The following CNTNAP5 variants were observed in gnomAD, a reference collection of about 807,000 sequenced individuals.
CNTNAP5 encodes contactin associated protein family member 5, also known as contactin-associated protein-like 5.
A neutral mutation model predicts 150.2 loss-of-function variants in CNTNAP5; 72 were observed. The ratio of observed to expected loss-of-function variants is 0.48; its 90% CI spans 0.40 to 0.58. CNTNAP5 has a LOEUF of 0.58. Ranked by LOEUF, CNTNAP5 falls within the 20% of genes least tolerant of loss-of-function variation. The pLI is 0.00. For synonymous variants in CNTNAP5, 672 were observed against 619.8 expected, an observed-to-expected ratio of 1.08 and a Z score of -1.25; for missense variants, 1,636 against 1,626.2, an observed-to-expected ratio of 1.01 and a Z score of -0.10.
chr2:124,885,257 C>T (rs1326939459), intron 21 of CNTNAP5, among the ~76,000 whole-genome samples: 1 of 151,916 alleles, frequency 6.6e-6, no homozygotes, highest in Non-Finnish European at 1.5e-5. Context: ...ATGAGACCCA[C>T]ACAGATTATC....
chr2:124,263,646 A>G (rs1687523941), intron 3 of CNTNAP5, among the ~76,000 whole-genome samples: 1 of 152,074 alleles, frequency 6.6e-6, no homozygotes, highest in African/African-American at 2.4e-5. Context: ...GAAGCTCTTT[A>G]GTTTAATTAG....
intron 4 of CNTNAP5, among the ~76,000 whole-genome samples, chr2:124,429,403 AG>A (rs1353372485): frequency 6.6e-6 from 1 of 152,262 alleles, no homozygotes; most frequent in African/African-American, 2.4e-5. Flanking sequence ...TAGTATAAAA[AG>A]CATTAACTAT....
intron 1 of CNTNAP5, among the ~76,000 whole-genome samples, chr2:124,161,388 A>G (rs955139167): frequency 6.6e-6 from 1 of 152,044 alleles, no homozygotes; most frequent in Non-Finnish European, 1.5e-5. Context: ...GAGAAAATAA[A>G]CTTTGGCTTC....
At chr2:124,506,299 C>T (rs1694405563) in intron 8 of CNTNAP5, among the ~76,000 whole-genome samples, 1 of 151,822 alleles carries the variant, frequency 6.6e-6, no homozygotes, top group Admixed American at 6.6e-5. Flanking sequence ...TCGCAGATTC[C>T]AGGAGCAAGA....
At position 124,563,224 on chromosome 2, in the gene CNTNAP5, C is replaced by T. The variant is rs761628797; in HGVS notation, c.1657C>T (p.Pro553Ser). The T allele has an allele frequency of 6.3e-7, 1 of 1,586,168 alleles. No individual in the cohort carries two copies. The highest frequency in any genetic ancestry group is 8.6e-7 in the Non-Finnish European group (1 of 1,163,894). ...TATGTTTTCTTCCATTAGGTGTTTG[C>T]CAAACTACTGTGAACATGGAGGAAG... ...DLCSIKDRCLPNYCEHGGSCS... is the reference protein window; with the variant it reads ...DLCSIKDRCLSNYCEHGGSCS... Residue 553 changes from proline (P) to serine (S), a missense_variant, in exon 11 of 24, where the codon CCA becomes TCA. Physicochemically the swap from Pro to Ser is moderately conservative, Grantham distance 74 (BLOSUM62 -1). Transcript: ENST00000682447.
intron 3 of CNTNAP5, among the ~76,000 whole-genome samples, chr2:124,363,519 T>G (rs911350624): frequency 6.6e-6 from 1 of 152,218 alleles, no homozygotes; most frequent in Non-Finnish European, 1.5e-5. Flanking sequence ...GAAATATTAC[T>G]TTTTTCTCTT....
chr2:124,421,456 A>G (rs917470495), intron 4 of CNTNAP5, among the ~76,000 whole-genome samples: 3 of 152,274 alleles, frequency 2.0e-5, no homozygotes, highest in African/African-American at 7.2e-5. Flanking sequence ...TGCGCAACTT[A>G]TCTACAGCTC....
At chr2:124,449,316 A>G (rs2104808887) in intron 6 of CNTNAP5, among the ~76,000 whole-genome samples, 1 of 152,352 alleles carries the variant, frequency 6.6e-6, no homozygotes, top group Non-Finnish European at 1.5e-5. Flanking sequence ...TATTGGAACC[A>G]TCTCAAAGAA....
At chr2:124,153,040 T>C (rs1684442752) in intron 1 of CNTNAP5, among the ~76,000 whole-genome samples, 1 of 152,152 alleles carries the variant, frequency 6.6e-6, no homozygotes, top group African/African-American at 2.4e-5. Context: ...AACCTAAAAC[T>C]ACCCTTAGGC....
intron 1 of CNTNAP5, among the ~76,000 whole-genome samples, chr2:124,085,315 G>A (rs768969175): frequency 3.3e-5 from 5 of 152,018 alleles, no homozygotes; most frequent in African/African-American, 4.8e-5. Flanking sequence ...CACTCATTTC[G>A]TCAAAGTTTC....
At chr2:124,184,918 A>G (rs1335040966) in intron 1 of CNTNAP5, among the ~76,000 whole-genome samples, 1 of 152,190 alleles carries the variant, frequency 6.6e-6, no homozygotes, top group Non-Finnish European at 1.5e-5. Context: ...GTAATAAAAC[A>G]TAGGAAACAA....
At chr2:124,523,622 TAG>T (rs768830925) in intron 8 of CNTNAP5, among the ~76,000 whole-genome samples, 1 of 152,194 alleles carries the variant, frequency 6.6e-6, no homozygotes, top group Non-Finnish European at 1.5e-5. Context: ...CCAGTGCCTT[TAG>T]AGAGTGTCGT....
intron 13 of CNTNAP5, among the ~76,000 whole-genome samples, chr2:124,742,594 A>G (rs1680519461): frequency 6.6e-6 from 1 of 151,624 alleles, no homozygotes; most frequent in Non-Finnish European, 1.5e-5. Context: ...ATTTATAGAT[A>G]TAGATATATA....
At chr2:124,786,851 T>C (rs1267520231) in intron 17 of CNTNAP5, among the ~76,000 whole-genome samples, 1 of 152,190 alleles carries the variant, frequency 6.6e-6, no homozygotes, top group Non-Finnish European at 1.5e-5. Flanking sequence ...TTATTCTCTT[T>C]ATAAAGAAAA....
Position 124,059,149 on chromosome 2 carries a change from C to T in CNTNAP5, c.82+33417C>T, listed in dbSNP as rs574447373. On this transcript the variant is annotated intron_variant, in intron 1 of 23. Coordinates refer to ENST00000682447, the MANE Select transcript of CNTNAP5 (RefSeq NM_001367498.1). ...TAAAATGTGTTTTCAACAGCACTAA[C>T]GCATTTTAAAGTTTATTGTATTTAT... Among the ~76,000 whole-genome samples the T allele has an allele frequency of 1.3e-4, 20 of 152,198 alleles. No homozygotes were observed. In the East Asian group the frequency reaches 2.3e-3, roughly 18 times the overall value.
At chr2:124,472,298 T>C (rs538450311) in intron 6 of CNTNAP5, among the ~76,000 whole-genome samples, 5 of 152,154 alleles carry the variant, frequency 3.3e-5, no homozygotes, top group African/African-American at 1.2e-4. Flanking sequence ...TTAAAATAAA[T>C]AAATAATTTG....
At chr2:124,763,942 C>A (rs1308764123) in intron 15 of CNTNAP5, 35 bp from the exon 16 acceptor site, 1 of 1,604,900 alleles carries the variant, frequency 6.2e-7, no homozygotes, top group Admixed American at 1.7e-5. Flanking sequence ...CCACTGAAAA[C>A]GATAAACCAT....
At chr2:124,848,275 T>C (rs2104700545) in intron 19 of CNTNAP5, among the ~76,000 whole-genome samples, 1 of 152,308 alleles carries the variant, frequency 6.6e-6, no homozygotes, top group East Asian at 1.9e-4. Context: ...ACATACAGTG[T>C]CTGTCTCTCT....
At chr2:124,425,100 A>G (rs1175200015) in intron 4 of CNTNAP5, among the ~76,000 whole-genome samples, 2 of 152,154 alleles carry the variant, frequency 1.3e-5, no homozygotes, top group Admixed American at 6.6e-5. Context: ...CTTGCCTCCT[A>G]CAATTTGTTT....
Sources: gnomAD v4.1 joint callset for allele counts (sites outside exome capture counted in the v4.1 genomes callset) on GRCh38, gnomAD v4.1.1 for gene constraint, MANE v1.5 for transcripts, NCBI Gene and HGNC (gene_info 2026-07-23, HGNC 2026-07-21) for gene names.